Variants in TMEM132C observed in about 807,000 individuals in gnomAD.
TMEM132C encodes transmembrane protein 132C.
Under a neutral mutation model 61.4 loss-of-function variants are expected in TMEM132C, and 29 were observed. That is an observed-to-expected ratio of 0.47 (90% CI 0.35 to 0.64). The LOEUF (loss-of-function observed/expected upper bound fraction) is 0.64. Ranked by LOEUF, TMEM132C falls within the 30% of genes least tolerant of loss-of-function variation. The pLI, the probability that TMEM132C is intolerant of heterozygous loss-of-function variation, is 0.00. For missense variants in TMEM132C, 1,408 were observed against 1,476.9 expected, an observed-to-expected ratio of 0.95 and a Z score of 0.76; for synonymous variants, 656 against 633.1, an observed-to-expected ratio of 1.04 and a Z score of -0.54.
chr12:128,551,523 G>A (rs574961329), intron 3 of TMEM132C, among the ~76,000 whole-genome samples: 4 of 152,234 alleles, frequency 2.6e-5, no homozygotes, highest in Non-Finnish European at 5.9e-5. Context: ...ATTTACCAGA[G>A]TGCACGTCGT....
chr12:128,508,335 G>C (rs1164708210), intron 2 of TMEM132C, among the ~76,000 whole-genome samples: 3 of 152,302 alleles, frequency 2.0e-5, no homozygotes, highest in South Asian at 2.1e-4. Flanking sequence ...TGCGAATTAT[G>C]GGAAAACAAC....
intron 5 of TMEM132C, among the ~76,000 whole-genome samples, chr12:128,693,167 G>A (rs1310196904): frequency 1.3e-5 from 2 of 152,184 alleles, no homozygotes; most frequent in Non-Finnish European, 2.9e-5. Context: ...CCTGCATCAG[G>A]CCTGCATGTG....
chr12:128,642,498 G>T (rs1011053553), intron 4 of TMEM132C, among the ~76,000 whole-genome samples: 1 of 152,166 alleles, frequency 6.6e-6, no homozygotes, highest in Non-Finnish European at 1.5e-5. Context: ...CATGGGGACC[G>T]ATCCCTCATG....
At chr12:128,617,405 G>T (rs1309597535) in intron 4 of TMEM132C, among the ~76,000 whole-genome samples, 1 of 152,220 alleles carries the variant, frequency 6.6e-6, no homozygotes, top group Non-Finnish European at 1.5e-5. Flanking sequence ...GACAGAGACT[G>T]ATTGGAACTG....
At chr12:128,688,328 T>C (rs1045277819) in intron 5 of TMEM132C, among the ~76,000 whole-genome samples, 14 of 152,248 alleles carry the variant, frequency 9.2e-5, no homozygotes, top group African/African-American at 3.4e-4. Flanking sequence ...TACCTCTCCA[T>C]CTTGGATGAG....
intron 3 of TMEM132C, among the ~76,000 whole-genome samples, chr12:128,589,650 T>C (rs1055003855): frequency 6.6e-6 from 1 of 152,120 alleles, no homozygotes; most frequent in African/African-American, 2.4e-5. Flanking sequence ...CAGAATGATC[T>C]CCCAGCACAG....
At chr12:128,536,527 A>G (rs1873534266) in intron 2 of TMEM132C, among the ~76,000 whole-genome samples, 1 of 76,342 alleles carries the variant, frequency 1.3e-5, no homozygotes, top group Admixed American at 1.4e-4. Context: ...CTTAAAGTAT[A>G]ATGAAAAAAA....
chr12:128,679,945 G>A (rs1954620726), intron 5 of TMEM132C, among the ~76,000 whole-genome samples: 1 of 152,126 alleles, frequency 6.6e-6, no homozygotes, highest in Admixed American at 6.5e-5. Context: ...AGATCTAAAT[G>A]CCAAGAGCTT....
chr12:128,648,991 C>T (rs1954240183), intron 4 of TMEM132C, among the ~76,000 whole-genome samples: 1 of 149,534 alleles, frequency 6.7e-6, no homozygotes, highest in South Asian at 2.1e-4. Flanking sequence ...AGTCCATCAG[C>T]ATTGGATAAG....
At chr12:128,629,562 G>A (rs1190262909) in intron 4 of TMEM132C, among the ~76,000 whole-genome samples, 1 of 152,212 alleles carries the variant, frequency 6.6e-6, no homozygotes. Flanking sequence ...GTGGCTGCCT[G>A]CGGTTGGGGA....
intron 4 of TMEM132C, among the ~76,000 whole-genome samples, chr12:128,647,009 T>C (rs2135604489): frequency 6.6e-6 from 1 of 152,038 alleles, no homozygotes; most frequent in East Asian, 1.9e-4. Context: ...GTGAGTGTGT[T>C]TACTGGAGTC....
At chr12:128,472,325 C>G (rs79953020) in intron 2 of TMEM132C, among the ~76,000 whole-genome samples, 1,891 of 152,318 alleles carry the variant, frequency 0.012, 40 homozygotes, top group African/African-American at 0.042. Flanking sequence ...TCTCTGTGTT[C>G]CAGAGAACCT....
At chr12:128,616,728 T>C (rs769673410) in intron 4 of TMEM132C, among the ~76,000 whole-genome samples, 8 of 152,190 alleles carry the variant, frequency 5.3e-5, no homozygotes, top group Non-Finnish European at 1.0e-4. Context: ...ATCTCCTCTT[T>C]CCTTAGGATG....
intron 1 of TMEM132C, among the ~76,000 whole-genome samples, chr12:128,371,771 G>T (rs1335005068): frequency 1.3e-5 from 2 of 152,046 alleles, no homozygotes; most frequent in Non-Finnish European, 2.9e-5. Flanking sequence ...TAGAGACAGG[G>T]TCTTGCTGTG....
At chr12:128,417,893 C>T (rs1227041676) in intron 2 of TMEM132C, among the ~76,000 whole-genome samples, 1 of 152,124 alleles carries the variant, frequency 6.6e-6, no homozygotes, top group South Asian at 2.1e-4. Context: ...GTTTAAAAAG[C>T]AGTGTCTTTG....
chr12:128,585,851 A>G (rs1026804669), intron 3 of TMEM132C, among the ~76,000 whole-genome samples: 2 of 152,176 alleles, frequency 1.3e-5, no homozygotes, highest in Non-Finnish European at 2.9e-5. Context: ...AAGTTCATAG[A>G]GACGGAAAAT....
At chr12:128,663,989 C>T (rs11059812) in intron 4 of TMEM132C, among the ~76,000 whole-genome samples, 63,410 of 130,738 alleles carry the variant, frequency 0.49, 15,188 homozygotes, top group East Asian at 0.57. Context: ...CGCACGCACG[C>T]GGGCACTCAC....
At chr12:128,283,686 C>G (rs1156614679) in intron 1 of TMEM132C, among the ~76,000 whole-genome samples, 1 of 152,210 alleles carries the variant, frequency 6.6e-6, no homozygotes, top group Non-Finnish European at 1.5e-5. Flanking sequence ...TGAGTTCACA[C>G]TGATGCCTCA....
chr12:128,518,743 CGT>C (rs1245817824), intron 2 of TMEM132C, among the ~76,000 whole-genome samples: 14 of 151,012 alleles, frequency 9.3e-5, no homozygotes, highest in African/African-American at 1.9e-4. Context: ...CATGTGTGTG[CGT>C]GTGTGTGTGT....
Sources: allele counts gnomAD v4.1 joint callset (sites outside exome capture counted in the v4.1 genomes callset), GRCh38; gene constraint gnomAD v4.1.1; transcripts MANE v1.5; gene names NCBI Gene and HGNC (gene_info 2026-07-23, HGNC 2026-07-21).